The following ZNF423 variants were observed in gnomAD, a reference collection of about 807,000 sequenced individuals.
ZNF423 encodes the protein zinc finger protein 423.
ZNF423 carries 12 observed loss-of-function variants against 95.8 expected under a neutral mutation model. The observed-to-expected ratio is 0.13, with a 90% CI of 0.08 to 0.20. ZNF423 has a LOEUF of 0.20. ZNF423 is among the 10% of genes least tolerant of loss of function. ZNF423 has a pLI of 1.00. For missense variants in ZNF423, 1,316 were observed against 1,737.1 expected (o/e 0.76, Z 4.31); for synonymous variants, 749 against 711.9 (o/e 1.05, Z -0.83).
chr16:49,641,501 GAA>G (rs1972974311), intron 3 of ZNF423, among the ~76,000 whole-genome samples: 1 of 152,216 alleles, frequency 6.6e-6, no homozygotes, highest in South Asian at 2.1e-4. Context: ...GATGTGTGGA[GAA>G]GTCTCAACAA....
intron 4 of ZNF423, among the ~76,000 whole-genome samples, chr16:49,630,750 G>A (rs1972468635): frequency 6.6e-6 from 1 of 152,112 alleles, no homozygotes; most frequent in Admixed American, 6.6e-5. Context: ...TACATCCCCA[G>A]GGGCTTGGGC....
chr16:49,662,833 T>C (rs1235378214), intron 3 of ZNF423, among the ~76,000 whole-genome samples: 1 of 152,180 alleles, frequency 6.6e-6, no homozygotes, highest in African/African-American at 2.4e-5. Flanking sequence ...AGCCAGAGCA[T>C]GCAAACTTTT....
chr16:49,656,397 A>G (rs576353242), intron 3 of ZNF423, among the ~76,000 whole-genome samples: 5 of 152,020 alleles, frequency 3.3e-5, no homozygotes, highest in African/African-American at 1.2e-4. Flanking sequence ...TGTAACCCCA[A>G]TTACTCGGGA....
intron 2 of ZNF423, among the ~76,000 whole-genome samples, chr16:49,753,110 G>A (rs1392904367): frequency 6.8e-6 from 1 of 147,298 alleles, no homozygotes; most frequent in Non-Finnish European, 1.5e-5. Flanking sequence ...CAGGCGTGGT[G>A]GCGTGAGCCT....
chr16:49,846,790 A>G (rs2035250953), intron 1 of ZNF423, among the ~76,000 whole-genome samples: 1 of 152,176 alleles, frequency 6.6e-6, no homozygotes, highest in South Asian at 2.1e-4. Context: ...ACAGGGGGTG[A>G]GGGACAAAGC....
At chr16:49,822,147 C>A (rs944739017) in intron 1 of ZNF423, among the ~76,000 whole-genome samples, 1 of 151,374 alleles carries the variant, frequency 6.6e-6, no homozygotes, top group Non-Finnish European at 1.5e-5. Flanking sequence ...AATGACAACC[C>A]GTTTGCCTAA....
Position 49,487,724 on chromosome 16 carries a change from T to C in ZNF423, c.*3551A>G, listed in dbSNP as rs2151635448. ...TAAGCCACCTAGAATTGAAACTCCA[T>C]AGGAATACAGCTCTCTAAGGGTACT... On this transcript the variant is annotated 3_prime_UTR_variant, in exon 8 of 8. Coordinates refer to ENST00000563137, the MANE Select transcript of ZNF423 (RefSeq NM_001379286.1). 6.6e-6 allele frequency: 1 copy of C among 152,364 alleles called. No individual in the cohort carries two copies. Among genetic ancestry groups the C allele is most frequent in the Middle Eastern group, 3.4e-3 (1 of 296 alleles). The allele number at this position is 152,364 out of a possible 1,614,324, so 9.4% of individuals were successfully genotyped here.
chr16:49,731,385 T>A, intron 2 of ZNF423: 1 of 985,436 alleles, frequency 1.0e-6, no homozygotes, highest in Non-Finnish European at 1.2e-6. Context: ...GGAGATCTCT[T>A]AGCCAAGTTC....
intron 3 of ZNF423, among the ~76,000 whole-genome samples, chr16:49,722,007 G>A (rs1037902375): frequency 3.3e-5 from 5 of 152,272 alleles, no homozygotes; most frequent in Middle Eastern, 3.4e-3. Flanking sequence ...TGCAACCTGC[G>A]GACTTCGCAG....
At chr16:49,509,741 C>T (rs1967804408) in intron 7 of ZNF423, among the ~76,000 whole-genome samples, 1 of 152,136 alleles carries the variant, frequency 6.6e-6, no homozygotes, top group African/African-American at 2.4e-5. Flanking sequence ...GCTGCTGTAT[C>T]AAGAAAGTTC....
chr16:49,717,692 G>C (rs868484241), intron 3 of ZNF423, among the ~76,000 whole-genome samples: 1 of 152,218 alleles, frequency 6.6e-6, no homozygotes, highest in African/African-American at 2.4e-5. Flanking sequence ...TTTGATTTCA[G>C]CTGGTTAGGA....
intron 7 of ZNF423, among the ~76,000 whole-genome samples, chr16:49,496,714 G>A (rs762652958): frequency 7.9e-5 from 12 of 152,174 alleles, no homozygotes; most frequent in African/African-American, 2.2e-4. Flanking sequence ...GTCTGGCTAC[G>A]GCAAATGCTC....
intron 1 of ZNF423, among the ~76,000 whole-genome samples, chr16:49,845,297 G>T (rs2035233480): frequency 6.6e-6 from 1 of 151,726 alleles, no homozygotes; most frequent in Admixed American, 6.6e-5. Context: ...TGGAGACAGG[G>T]TTTCACCATG....
At chr16:49,768,121 G>A (rs905752635) in intron 2 of ZNF423, among the ~76,000 whole-genome samples, 2 of 152,218 alleles carry the variant, frequency 1.3e-5, no homozygotes, top group African/African-American at 4.8e-5. Flanking sequence ...GGCTGCACGA[G>A]GCTGGCAATT....
intron 3 of ZNF423, among the ~76,000 whole-genome samples, chr16:49,719,781 T>C (rs1171373955): frequency 6.6e-6 from 1 of 152,152 alleles, no homozygotes; most frequent in East Asian, 1.9e-4. Flanking sequence ...GAAATGCAAG[T>C]CAATTAAAAA....
chr16:49,532,286 C>G (rs1218984873), intron 5 of ZNF423, among the ~76,000 whole-genome samples: 1 of 152,176 alleles, frequency 6.6e-6, no homozygotes, highest in Non-Finnish European at 1.5e-5. Context: ...ACGGCTGTCC[C>G]CGACCCCCAG....
chr16:49,497,232 T>TATCCATCC (rs773217573), intron 7 of ZNF423, among the ~76,000 whole-genome samples: 2 of 151,782 alleles, frequency 1.3e-5, no homozygotes, highest in South Asian at 2.1e-4. Flanking sequence ...TCTATTCATC[T>TATCCATCC]ATCCATCCAT....
chr16:49,619,869 T>C (rs1051095170), intron 5 of ZNF423, among the ~76,000 whole-genome samples: 1 of 152,148 alleles, frequency 6.6e-6, no homozygotes, highest in Non-Finnish European at 1.5e-5. Flanking sequence ...GTGGTTCTAT[T>C]TGGGTTTTTT....
intron 3 of ZNF423, chr16:49,640,592 C>A (rs1375571973): frequency 6.6e-6 from 1 of 151,850 alleles, no homozygotes; most frequent in Non-Finnish European, 1.5e-5. Flanking sequence ...CCGCCCCCAC[C>A]CCCTGGCCCC....
Sources: allele counts gnomAD v4.1 joint callset (sites outside exome capture counted in the v4.1 genomes callset), GRCh38; gene constraint gnomAD v4.1.1; transcripts MANE v1.5; gene names NCBI Gene and HGNC (gene_info 2026-07-23, HGNC 2026-07-21).